The following PRH1 variants were observed in gnomAD, a reference collection of about 807,000 sequenced individuals.
PRH1 encodes the protein proline rich protein HaeIII subfamily 1.
In PRH1, 7 loss-of-function variants were observed where a neutral mutation model predicts 7.9. The observed-to-expected ratio is 0.89, with a 90% CI of 0.50 to 1.67. The LOEUF (loss-of-function observed/expected upper bound fraction) is 1.67, where lower values mean the gene tolerates loss of function less well. Ranked by LOEUF, PRH1 falls within the 40% of genes most tolerant of loss-of-function variation. The probability of loss-of-function intolerance (pLI) is 0.00; values close to 1 mark genes in which losing one functional copy is unlikely to be tolerated. For synonymous variants in PRH1, 45 were observed against 80.8 expected (o/e 0.56, Z 2.38); for missense variants, 109 against 223.6 (o/e 0.49, Z 3.27).
In PRH1 at chr12:10,973,624, G is replaced by C. The variant is rs1223228799; in HGVS notation, c.-59+31C>G. 5.2e-6 allele frequency: 4 copies of C among 769,068 alleles called. No homozygotes were observed. In the African/African-American group the frequency reaches 6.8e-5, roughly 13 times the overall value. The allele number at this position is 769,068 out of a possible 1,614,324, so 47.6% of individuals were successfully genotyped here. ...ACCAAGTGTTGCTAGGTTTTCATTT[G>C]ATCCTGTGTTACTTGATATGTAGAA... is the stretch of plus-strand genomic sequence containing the variant. On this transcript the variant is annotated intron_variant, in intron 2 of 3. Transcript: ENST00000539853.
At chr12:11,022,762 A>G (rs2136076861) in intron 1 of PRH1, 1 of 564,456 alleles carries the variant, frequency 1.8e-6, no homozygotes, top group East Asian at 2.8e-5. Flanking sequence ...TCTTTATAGA[A>G]ATAGAAAAGG....
chr12:11,134,003 C>G, intron 1 of PRH1: 1 of 1,614,062 alleles, frequency 6.2e-7, no homozygotes, highest in Non-Finnish European at 8.5e-7. Context: ...AGCAGTAATT[C>G]TTACTTCTAC....
chr12:11,015,932 G>T (rs1941272453), intron 1 of PRH1, among the ~76,000 whole-genome samples: 2 of 152,232 alleles, frequency 1.3e-5, no homozygotes, highest in South Asian at 4.1e-4. Context: ...TTCCCTGCAG[G>T]GCACGTTCTT....
intron 1 of PRH1, among the ~76,000 whole-genome samples, chr12:11,168,115 G>C (rs1233042036): frequency 6.6e-6 from 1 of 150,864 alleles, no homozygotes; most frequent in Admixed American, 6.6e-5. Context: ...ATGGAAATAA[G>C]AGTATATATT....
intron 2 of PRH1, among the ~76,000 whole-genome samples, chr12:10,910,150 G>C (rs1949874624): frequency 6.6e-6 from 1 of 152,072 alleles, no homozygotes; most frequent in African/African-American, 2.4e-5. Flanking sequence ...TTATCCATGA[G>C]GCCTATGTCC....
intron 2 of PRH1, among the ~76,000 whole-genome samples, chr12:10,929,625 A>G (rs1950174237): frequency 6.6e-6 from 1 of 152,208 alleles, no homozygotes; most frequent in South Asian, 2.1e-4. Context: ...AGAATGCAAG[A>G]CAGATTCAGG....
chr12:11,049,916 A>T (rs548820791), upstream of PRH1, among the ~76,000 whole-genome samples: 1 of 152,320 alleles, frequency 6.6e-6, no homozygotes, highest in South Asian at 2.1e-4. Flanking sequence ...ATAGACACAC[A>T]TGCACTGACA....
At chr12:10,884,375 G>A (rs1949458083), upstream of PRH1, 2 of 786,080 alleles carry the variant, frequency 2.5e-6, no homozygotes, top group South Asian at 1.7e-5. Flanking sequence ...TTCAGGTCAA[G>A]TGTATCCCTC....
chr12:10,988,092 C>T (rs1489478772), intron 1 of PRH1, among the ~76,000 whole-genome samples: 2 of 152,052 alleles, frequency 1.3e-5, no homozygotes, highest in African/African-American at 4.8e-5. Flanking sequence ...GCACTTGATC[C>T]ATCCTAAATT....
At chr12:11,049,848 C>A (rs1421128256), upstream of PRH1, among the ~76,000 whole-genome samples, 1 of 152,160 alleles carries the variant, frequency 6.6e-6, no homozygotes, top group Admixed American at 6.5e-5. Flanking sequence ...ACCTTAAAAT[C>A]TGGTTTCTGA....
intron 2 of PRH1, among the ~76,000 whole-genome samples, chr12:10,889,653 T>A (rs4763220): frequency 9.0e-4 from 137 of 152,270 alleles, no homozygotes; most frequent in African/African-American, 3.1e-3. Context: ...GAATAGTACA[T>A]CATTTGTTAT....
At chr12:11,005,349 ATT>A (rs1421892491) in intron 1 of PRH1, among the ~76,000 whole-genome samples, 2 of 152,104 alleles carry the variant, frequency 1.3e-5, no homozygotes, top group African/African-American at 4.8e-5. Context: ...CCTCTCCATA[ATT>A]TGTGTTCAGC....
chr12:10,909,079 C>CTAGA, intron 2 of PRH1: 1 of 1,613,578 alleles, frequency 6.2e-7, no homozygotes, highest in Non-Finnish European at 8.5e-7. Context: ...ACAAATATGG[C>CTAGA]TAGATAATGC....
rs773868871 is a variant in PRH1 at position 10,939,038 on chromosome 12, C to T, written c.-59+34617G>A. On this transcript the variant is annotated intron_variant, in intron 2 of 3. Transcript: ENST00000539853. ...GCTTCCGAATATTAACCAAACCAGG[C>T]TAATTCGAGAGATTGCCAAAGCAGT... is the stretch of plus-strand genomic sequence containing the variant. The T allele has an allele frequency of 6.8e-6, 11 of 1,613,832 alleles. No individual in the cohort carries two copies. In the South Asian group the frequency reaches 7.7e-5, roughly 11 times the overall value.
At chr12:10,972,723 G>A (rs1056188105) in intron 2 of PRH1, among the ~76,000 whole-genome samples, 4 of 152,210 alleles carry the variant, frequency 2.6e-5, no homozygotes, top group African/African-American at 9.6e-5. Flanking sequence ...AAGGGAGTTT[G>A]GTCGTAACTA....
At chr12:10,924,229 C>G (rs1950094487) in intron 2 of PRH1, among the ~76,000 whole-genome samples, 1 of 152,102 alleles carries the variant, frequency 6.6e-6, no homozygotes, top group South Asian at 2.1e-4. Context: ...CCTCATGATC[C>G]ACCCGCCTCG....
intron 1 of PRH1, among the ~76,000 whole-genome samples, chr12:11,000,876 A>G (rs1940554289): frequency 6.6e-6 from 1 of 151,980 alleles, no homozygotes; most frequent in Non-Finnish European, 1.5e-5. Context: ...TTTTGCTATT[A>G]TTGTTTTAGT....
intron 2 of PRH1, among the ~76,000 whole-genome samples, chr12:10,893,492 C>A (rs1949604495): frequency 6.6e-6 from 1 of 152,218 alleles, no homozygotes; most frequent in Non-Finnish European, 1.5e-5. Flanking sequence ...CAGCATCCGT[C>A]CAATTTTAAC....
At chr12:10,884,120 C>G in intron 1 of PRH1, 34 bp downstream of exon 1, 1 of 1,613,822 alleles carries the variant, frequency 6.2e-7, no homozygotes, top group Non-Finnish European at 8.5e-7. Context: ...AAACCCCAAT[C>G]AGAGTCACAA....
Sources: gnomAD v4.1 joint callset for allele counts (sites outside exome capture counted in the v4.1 genomes callset) on GRCh38, gnomAD v4.1.1 for gene constraint, MANE v1.5 for transcripts, NCBI Gene and HGNC (gene_info 2026-07-23, HGNC 2026-07-21) for gene names.